MAML2: variants seen among roughly 807,000 people sequenced by gnomAD.
MAML2 encodes the protein mastermind like transcriptional coactivator 2, also known as mastermind-like protein 2.
A neutral mutation model predicts 96.1 loss-of-function variants in MAML2; 22 were observed. That is an observed-to-expected ratio of 0.23 (90% CI 0.16 to 0.33). The LOEUF (loss-of-function observed/expected upper bound fraction) is 0.33, where lower values mean the gene tolerates loss of function less well. Ranked by LOEUF, MAML2 falls within the 10% of genes least tolerant of loss-of-function variation. The pLI is 1.00. For synonymous variants in MAML2, 561 were observed against 521.3 expected (o/e 1.08, Z -1.04); for missense variants, 1,367 against 1,392.4 (o/e 0.98, Z 0.29).
intron 1 of MAML2, among the ~76,000 whole-genome samples, chr11:96,099,554 T>A (rs546728582): frequency 6.6e-6 from 1 of 152,280 alleles, no homozygotes; most frequent in African/African-American, 2.4e-5. Flanking sequence ...GCCTTATACT[T>A]CTCCAAGTTT....
At chr11:96,166,181 A>T (rs201843335) in intron 1 of MAML2, among the ~76,000 whole-genome samples, 4,321 of 58,862 alleles carry the variant, frequency 0.073, 136 homozygotes, top group South Asian at 0.28. Flanking sequence ...TCTCTCTCAC[A>T]CACACACACA....
chr11:96,142,921 C>G (rs912184776), intron 1 of MAML2, among the ~76,000 whole-genome samples: 2 of 152,160 alleles, frequency 1.3e-5, no homozygotes, highest in African/African-American at 4.8e-5. Flanking sequence ...AGCTGATGAT[C>G]TAACACAATC....
At chr11:96,082,422 T>C (rs1023816282) in intron 2 of MAML2, among the ~76,000 whole-genome samples, 1 of 152,078 alleles carries the variant, frequency 6.6e-6, no homozygotes, top group Non-Finnish European at 1.5e-5. Context: ...TATAGCAACA[T>C]GGACACTCAG....
chr11:96,050,133 GGT>G (rs1349295925), intron 2 of MAML2, among the ~76,000 whole-genome samples: 1 of 152,116 alleles, frequency 6.6e-6, no homozygotes, highest in East Asian at 1.9e-4. Context: ...GATCCTTACC[GGT>G]GTGGCTCCTG....
At chr11:96,242,020 A>G (rs1862444687) in intron 1 of MAML2, among the ~76,000 whole-genome samples, 1 of 152,218 alleles carries the variant, frequency 6.6e-6, no homozygotes. Flanking sequence ...GAGCCCATGC[A>G]AGTGTGATTG....
chr11:96,294,523 T>C (rs1004121129), intron 1 of MAML2, among the ~76,000 whole-genome samples: 2 of 152,208 alleles, frequency 1.3e-5, no homozygotes, highest in Non-Finnish European at 2.9e-5. Context: ...GTATGAATTG[T>C]TACAAGGACT....
At chr11:96,307,368 A>G (rs1301350402) in intron 1 of MAML2, among the ~76,000 whole-genome samples, 1 of 152,244 alleles carries the variant, frequency 6.6e-6, no homozygotes, top group Non-Finnish European at 1.5e-5. Context: ...CTTTTACTGT[A>G]AAGGAAGAGT....
chr11:96,000,863 C>G (rs1407894544), intron 2 of MAML2, among the ~76,000 whole-genome samples: 1 of 152,108 alleles, frequency 6.6e-6, no homozygotes, highest in East Asian at 1.9e-4. Flanking sequence ...AGTCTATTCG[C>G]TTGAAAGAAT....
intron 2 of MAML2, among the ~76,000 whole-genome samples, chr11:96,061,675 G>GCATAACA (rs1859161749): frequency 1.3e-5 from 2 of 152,140 alleles, no homozygotes; most frequent in South Asian, 4.2e-4. Context: ...TAGATAAAAG[G>GCATAACA]CATAACAACC....
chr11:96,068,696 G>A (rs1326906532), intron 2 of MAML2, among the ~76,000 whole-genome samples: 3 of 151,956 alleles, frequency 2.0e-5, no homozygotes, highest in Non-Finnish European at 4.4e-5. Flanking sequence ...TGGGCATGGT[G>A]GCAGGCACCT....
chr11:95,997,019 A>C (rs536716781), intron 2 of MAML2, among the ~76,000 whole-genome samples: 1 of 152,246 alleles, frequency 6.6e-6, no homozygotes, highest in East Asian at 1.9e-4. Context: ...ATTTCCATCT[A>C]GGTAGTCTTT....
At chr11:96,228,888 T>TATATA (rs1565255696) in intron 1 of MAML2, among the ~76,000 whole-genome samples, 2 of 152,178 alleles carry the variant, frequency 1.3e-5, no homozygotes, top group Non-Finnish European at 2.9e-5. Context: ...CATATCTATG[T>TATATA]TCACGCGGTC....
chr11:96,272,411 C>G (rs537411064), intron 1 of MAML2, among the ~76,000 whole-genome samples: 1 of 152,286 alleles, frequency 6.6e-6, no homozygotes, highest in South Asian at 2.1e-4. Context: ...AGGCATCCAC[C>G]TTATCAGGGT....
At chr11:96,097,104 G>A (rs1859842260) in intron 1 of MAML2, among the ~76,000 whole-genome samples, 1 of 152,104 alleles carries the variant, frequency 6.6e-6, no homozygotes, top group African/African-American at 2.4e-5. Context: ...ATCACTTTTT[G>A]CTTTGAAATA....
Position 96,329,441 on chromosome 11 carries a change from C to G in MAML2, c.513+11942G>C, listed in dbSNP as rs903506708. Among the ~76,000 whole-genome samples the G allele has an allele frequency of 2.0e-5, 3 of 152,162 alleles. No homozygotes were observed. The South Asian group carries it at 6.2e-4, about 32-fold the overall frequency. ...AAACATTGCCAATTTTGTCACTGCT[C>G]CTTTCAATTCTTCCTCAATAAACAT... On this transcript the variant is annotated intron_variant, in intron 1 of 4. Transcript: ENST00000524717.
At chr11:96,337,624 T>C (rs1393573713) in intron 1 of MAML2, among the ~76,000 whole-genome samples, 1 of 152,168 alleles carries the variant, frequency 6.6e-6, no homozygotes, top group Non-Finnish European at 1.5e-5. Flanking sequence ...AACACTTAAG[T>C]ATACGGATAC....
intron 1 of MAML2, among the ~76,000 whole-genome samples, chr11:96,124,936 C>T (rs1860413266): frequency 6.6e-6 from 1 of 152,204 alleles, no homozygotes. Context: ...TCTGTTTCCT[C>T]CTGTGTCATC....
intron 1 of MAML2, among the ~76,000 whole-genome samples, chr11:96,195,957 T>C (rs1861724489): frequency 6.6e-6 from 1 of 152,230 alleles, no homozygotes; most frequent in South Asian, 2.1e-4. Context: ...CAGTGGGTTG[T>C]GTTTATAGAA....
intron 1 of MAML2, among the ~76,000 whole-genome samples, chr11:96,214,972 AC>A (rs1862027312): frequency 6.6e-6 from 1 of 152,192 alleles, no homozygotes. Flanking sequence ...CGTCTAGTTG[AC>A]CTTGGATACT....
Sources: allele counts gnomAD v4.1 joint callset (sites outside exome capture counted in the v4.1 genomes callset), GRCh38; gene constraint gnomAD v4.1.1; transcripts MANE v1.5; gene names NCBI Gene and HGNC (gene_info 2026-07-23, HGNC 2026-07-21).